CORIN: variants seen among roughly 807,000 people sequenced by gnomAD.
The protein encoded by CORIN is corin, serine peptidase.
Under a neutral mutation model 125.3 loss-of-function variants are expected in CORIN, and 117 were observed. The observed-to-expected ratio is 0.93, with a 90% CI of 0.80 to 1.09. The LOEUF is 1.09. Ranked by LOEUF, CORIN falls within the 50% of genes least tolerant of loss-of-function variation. CORIN has a pLI of 0.00. For synonymous variants in CORIN, 450 were observed against 466.4 expected (o/e 0.96, Z 0.45); for missense variants, 1,253 against 1,306.7 (o/e 0.96, Z 0.63).
chr4:47,613,959 A>C (rs1006751537), intron 19 of CORIN, among the ~76,000 whole-genome samples: 1 of 82,040 alleles, frequency 1.2e-5, no homozygotes, highest in Admixed American at 1.1e-4. Flanking sequence ...AAAGTATAAT[A>C]AAAAAAAAAA....
At chr4:47,764,050 A>G (rs1044743407) in intron 3 of CORIN, among the ~76,000 whole-genome samples, 14 of 152,192 alleles carry the variant, frequency 9.2e-5, no homozygotes, top group African/African-American at 3.4e-4. Flanking sequence ...AAAGATAGAA[A>G]TCATCTAAAT....
intron 2 of CORIN, among the ~76,000 whole-genome samples, chr4:47,795,847 C>A (rs556423758): frequency 6.6e-6 from 1 of 151,912 alleles, no homozygotes; most frequent in Admixed American, 6.6e-5. Context: ...AGCCAGTAGC[C>A]AGTAAGTATA....
At chr4:47,664,532 AC>A (rs994468482) in intron 11 of CORIN, among the ~76,000 whole-genome samples, 23 of 152,296 alleles carry the variant, frequency 1.5e-4, no homozygotes, top group African/African-American at 5.5e-4. Flanking sequence ...AGTCCAAGCT[AC>A]GCTCTTGAAA....
intron 5 of CORIN, among the ~76,000 whole-genome samples, chr4:47,698,225 A>C (rs1726116822): frequency 6.6e-6 from 1 of 151,956 alleles, no homozygotes; most frequent in Non-Finnish European, 1.5e-5. Context: ...AGAGTACTGC[A>C]GGGTAAGGGA....
chr4:47,706,297 C>G, intron 5 of CORIN: 1 of 1,060,370 alleles, frequency 9.4e-7, no homozygotes, highest in East Asian at 2.4e-5. Context: ...CTCTAAACTG[C>G]TCTACTCTAT....
intron 3 of CORIN, among the ~76,000 whole-genome samples, chr4:47,775,627 T>C (rs560193367): frequency 6.6e-6 from 1 of 152,214 alleles, no homozygotes; most frequent in East Asian, 1.9e-4. Flanking sequence ...TTTAAACAGA[T>C]CTTCAGAGGG....
intron 5 of CORIN, among the ~76,000 whole-genome samples, chr4:47,713,023 C>G (rs1447355863): frequency 6.6e-6 from 1 of 151,962 alleles, no homozygotes; most frequent in Non-Finnish European, 1.5e-5. Context: ...ACGCATAGAT[C>G]AGGGTAAGGC....
intron 4 of CORIN, among the ~76,000 whole-genome samples, chr4:47,748,895 C>T (rs529543375): frequency 3.6e-4 from 54 of 152,084 alleles, no homozygotes; most frequent in Non-Finnish European, 6.9e-4. Context: ...TTCATCCAGA[C>T]TCCACTAAGG....
At chr4:47,635,516 T>A (rs975033118) in intron 16 of CORIN, among the ~76,000 whole-genome samples, 2 of 152,174 alleles carry the variant, frequency 1.3e-5, no homozygotes, top group African/African-American at 2.4e-5. Context: ...AAGTTTGAAA[T>A]GTTTTATGCT....
chr4:47,820,292 T>G (rs1427649254), intron 1 of CORIN, among the ~76,000 whole-genome samples: 1 of 151,998 alleles, frequency 6.6e-6, no homozygotes, highest in Non-Finnish European at 1.5e-5. Flanking sequence ...GGGGAGAAAT[T>G]TTCTTGGACG....
At chr4:47,676,399 C>A (rs1243857251) in intron 9 of CORIN, among the ~76,000 whole-genome samples, 2 of 152,210 alleles carry the variant, frequency 1.3e-5, no homozygotes, top group Non-Finnish European at 2.9e-5. Flanking sequence ...TCCTTCAGGT[C>A]TGAGCTCCAG....
chr4:47,702,015 GA>G (rs1726316006), intron 5 of CORIN, among the ~76,000 whole-genome samples: 2 of 152,130 alleles, frequency 1.3e-5, no homozygotes, highest in Admixed American at 1.3e-4. Context: ...GCCTCTCAAT[GA>G]GACAGACAGA....
intron 2 of CORIN, among the ~76,000 whole-genome samples, chr4:47,802,382 G>A (rs1471560704): frequency 3.3e-5 from 5 of 152,142 alleles, no homozygotes; most frequent in Non-Finnish European, 5.9e-5. Context: ...GGAGTCCACT[G>A]TCCTGAAGAG....
intron 12 of CORIN, 58 bp from the exon 13 acceptor site, chr4:47,653,718 A>G: frequency 2.2e-6 from 3 of 1,386,678 alleles, no homozygotes; most frequent in Non-Finnish European, 3.1e-6. Context: ...CAGCTAATTT[A>G]TGTATTTACA....
chr4:47,832,238 G>T (rs1733057096), intron 1 of CORIN, among the ~76,000 whole-genome samples: 1 of 152,070 alleles, frequency 6.6e-6, no homozygotes, highest in East Asian at 1.9e-4. Context: ...GAACTCAGAG[G>T]ATTATGTGAC....
rs1262537734 is a variant in CORIN, at chr4:47,595,025, T to C, written c.*696A>G. 3 of 152,202 alleles carry C rather than the reference T, an allele frequency of 2.0e-5. No homozygotes were observed. In the East Asian group the frequency reaches 5.8e-4, roughly 29 times the overall value. The allele number at this position is 152,202 out of a possible 1,614,324, so 9.4% of individuals were successfully genotyped here. On this transcript the variant is annotated 3_prime_UTR_variant, in exon 22 of 22. Transcript: ENST00000273857. ...TACCTAAATGGATGACACTGGTCTT[T>C]TATTGCTGTCTTTTATCAGTTCTCA... is the stretch of plus-strand genomic sequence containing the variant.
rs61760500 is a variant in CORIN, at chr4:47,677,925, G to A, written c.1249+13C>T. The A allele has an allele frequency of 6.9e-3, 10,898 of 1,570,902 alleles. 105 individuals are homozygous for A. Among genetic ancestry groups the A allele is most frequent in the South Asian group, 0.03 (2,678 of 90,122 alleles). ...CAGTAAAGGAATGTTCTGGGGTGGTGGGACACACTTACTGACGCTGCAGTT... is the reference window on the plus strand; with the variant it reads ...CAGTAAAGGAATGTTCTGGGGTGGTAGGACACACTTACTGACGCTGCAGTT... On this transcript the variant is annotated intron_variant, in intron 9 of 21. Coordinates refer to ENST00000273857, the MANE Select transcript of CORIN (RefSeq NM_006587.4).
At chr4:47,768,849 A>C (rs1198456913) in intron 3 of CORIN, among the ~76,000 whole-genome samples, 4 of 152,224 alleles carry the variant, frequency 2.6e-5, no homozygotes, top group African/African-American at 9.6e-5. Context: ...ATCTACGACA[A>C]ACCCACAGCT....
At chr4:47,730,651 C>A (rs953191815) in intron 5 of CORIN, among the ~76,000 whole-genome samples, 1 of 152,154 alleles carries the variant, frequency 6.6e-6, no homozygotes, top group Admixed American at 6.5e-5. Context: ...ACAGGAGACA[C>A]CCCTGTTGCA....
Sources: gnomAD v4.1 joint callset for allele counts (sites outside exome capture counted in the v4.1 genomes callset) on GRCh38, gnomAD v4.1.1 for gene constraint, MANE v1.5 for transcripts, NCBI Gene and HGNC (gene_info 2026-07-23, HGNC 2026-07-21) for gene names.